Variants in SLC9A9 observed in about 807,000 individuals in gnomAD.
SLC9A9 encodes the protein solute carrier family 9 member A9.
In SLC9A9, 62 loss-of-function variants were observed where a neutral mutation model predicts 77.8. That is an observed-to-expected ratio of 0.80 (90% CI 0.65 to 0.98). The LOEUF is 0.98. Ranked by LOEUF, SLC9A9 falls within the 50% of genes least tolerant of loss-of-function variation. The pLI is 0.00. For missense variants in SLC9A9, 775 were observed against 774.9 expected, an observed-to-expected ratio of 1.00 and a Z score of 0.00; for synonymous variants, 320 against 283.5, an observed-to-expected ratio of 1.13 and a Z score of -1.29.
chr3:143,363,149 G>A (rs1274903188), intron 14 of SLC9A9, among the ~76,000 whole-genome samples: 1 of 152,180 alleles, frequency 6.6e-6, no homozygotes, highest in African/African-American at 2.4e-5. Flanking sequence ...CCTCAATCAA[G>A]CAGGCCTATT....
At chr3:143,303,642 A>T (rs564201866) in intron 14 of SLC9A9, among the ~76,000 whole-genome samples, 1 of 152,338 alleles carries the variant, frequency 6.6e-6, no homozygotes, top group South Asian at 2.1e-4. Context: ...TGCTTTTTAC[A>T]TATGAGCATA....
At chr3:143,763,490 A>G (rs2007202950) in intron 4 of SLC9A9, among the ~76,000 whole-genome samples, 2 of 152,304 alleles carry the variant, frequency 1.3e-5, no homozygotes, top group Non-Finnish European at 1.5e-5. Context: ...GAAAAGCACA[A>G]GCCCCTTCCA....
At chr3:143,764,655 C>T (rs371251707) in intron 4 of SLC9A9, among the ~76,000 whole-genome samples, 15 of 152,174 alleles carry the variant, frequency 9.9e-5, no homozygotes, top group African/African-American at 3.4e-4. Flanking sequence ...TAGCTTTGAA[C>T]TCAAGTGATT....
intron 1 of SLC9A9, among the ~76,000 whole-genome samples, chr3:143,841,945 G>A (rs2108898224): frequency 6.6e-6 from 1 of 152,180 alleles, no homozygotes; most frequent in African/African-American, 2.4e-5. Context: ...AGTAAAGACA[G>A]AGTTTCATCA....
chr3:143,705,043 A>ATC lies in SLC9A9; in HGVS notation c.534-11737_534-11736insGA, dbSNP rs1560040974. Among the ~76,000 whole-genome samples, 121 of 39,060 alleles carry ATC rather than the reference A, an allele frequency of 3.1e-3. 1 individual carries two copies. Among genetic ancestry groups the ATC allele is most frequent in the African/African-American group, 0.015 (107 of 7,314 alleles). The allele number at this position is 39,060 out of a possible 152,430, so 25.6% of individuals were successfully genotyped here. On this transcript the variant is annotated intron_variant, in intron 4 of 15. Transcript: ENST00000316549. ...TCTATCTATCTATCTATCTATCTATATAGATATAGATATAGATATATAGAT... is the reference window on the plus strand; with the variant it reads ...TCTATCTATCTATCTATCTATCTATATCTAGATATAGATATAGATATATAGAT...
intron 14 of SLC9A9, among the ~76,000 whole-genome samples, chr3:143,321,584 C>A (rs1038469757): frequency 4.6e-5 from 7 of 152,156 alleles, no homozygotes; most frequent in Admixed American, 4.6e-4. Context: ...TATTCTGTTT[C>A]TCGTGAAACC....
intron 12 of SLC9A9, among the ~76,000 whole-genome samples, chr3:143,434,841 T>C (rs1388972438): frequency 6.6e-6 from 1 of 152,064 alleles, no homozygotes; most frequent in Admixed American, 6.6e-5. Flanking sequence ...CATTCAGCTC[T>C]CTCAACCTCA....
intron 8 of SLC9A9, among the ~76,000 whole-genome samples, chr3:143,560,178 T>C (rs1374583840): frequency 6.6e-6 from 1 of 152,244 alleles, no homozygotes; most frequent in Admixed American, 6.5e-5. Context: ...TCTCCTTCAG[T>C]AGGTTTGGGG....
intron 9 of SLC9A9, among the ~76,000 whole-genome samples, chr3:143,544,728 A>G (rs1029710104): frequency 2.0e-5 from 3 of 152,204 alleles, no homozygotes; most frequent in Admixed American, 6.5e-5. Context: ...GGACTTAGTC[A>G]CAAATCCTTT....
At chr3:143,678,184 A>G (rs1932946915) in intron 5 of SLC9A9, among the ~76,000 whole-genome samples, 1 of 152,062 alleles carries the variant, frequency 6.6e-6, no homozygotes, top group South Asian at 2.1e-4. Context: ...GTCATTTTAA[A>G]GTGTTCTTTG....
intron 4 of SLC9A9, among the ~76,000 whole-genome samples, chr3:143,761,494 C>A (rs927853138): frequency 3.3e-5 from 5 of 151,818 alleles, no homozygotes; most frequent in African/African-American, 7.2e-5. Context: ...ACAAATTTAC[C>A]AGAAAAAAAC....
At chr3:143,465,910 C>T (rs2035272985) in intron 12 of SLC9A9, among the ~76,000 whole-genome samples, 1 of 152,218 alleles carries the variant, frequency 6.6e-6, no homozygotes, top group African/African-American at 2.4e-5. Context: ...CTCAGTACTT[C>T]AGGAAGTCCT....
At chr3:143,677,252 G>T (rs1430013825) in intron 5 of SLC9A9, among the ~76,000 whole-genome samples, 3 of 152,036 alleles carry the variant, frequency 2.0e-5, no homozygotes, top group African/African-American at 4.8e-5. Flanking sequence ...ATGCATGGGG[G>T]TTATCTACAC....
intron 1 of SLC9A9, among the ~76,000 whole-genome samples, chr3:143,836,622 A>G (rs2009575970): frequency 6.6e-6 from 1 of 152,220 alleles, no homozygotes; most frequent in Non-Finnish European, 1.5e-5. Context: ...GAGGGGACAG[A>G]AGGAAGGAGG....
At chr3:143,510,076 T>G (rs2036090907) in intron 9 of SLC9A9, among the ~76,000 whole-genome samples, 1 of 152,172 alleles carries the variant, frequency 6.6e-6, no homozygotes, top group South Asian at 2.1e-4. Flanking sequence ...AATGTGGATA[T>G]GAAAGAAAGT....
intron 13 of SLC9A9, among the ~76,000 whole-genome samples, chr3:143,379,884 A>G (rs2033264788): frequency 1.3e-5 from 2 of 152,094 alleles, no homozygotes; most frequent in African/African-American, 4.8e-5. Flanking sequence ...GCTCTTATTA[A>G]TATTTTTTAC....
intron 4 of SLC9A9, among the ~76,000 whole-genome samples, chr3:143,760,814 C>T (rs563631491): frequency 4.0e-4 from 61 of 152,280 alleles, no homozygotes; most frequent in African/African-American, 1.3e-3. Context: ...CTACCAATGA[C>T]TTTCTTCACA....
At chr3:143,526,558 C>A (rs1383404905) in intron 9 of SLC9A9, among the ~76,000 whole-genome samples, 2 of 152,166 alleles carry the variant, frequency 1.3e-5, no homozygotes, top group Middle Eastern at 3.2e-3. Context: ...CCCAAATTGT[C>A]CCTGCCATCA....
chr3:143,578,423 CA>C (rs1416562991), intron 7 of SLC9A9, among the ~76,000 whole-genome samples, 161 bp downstream of exon 7: 1 of 152,160 alleles, frequency 6.6e-6, no homozygotes, highest in Non-Finnish European at 1.5e-5. Context: ...CCTATGCCTC[CA>C]GGGGTGACTG....
Sources: allele counts gnomAD v4.1 joint callset (sites outside exome capture counted in the v4.1 genomes callset), GRCh38; gene constraint gnomAD v4.1.1; transcripts MANE v1.5; gene names NCBI Gene and HGNC (gene_info 2026-07-23, HGNC 2026-07-21).